The following PARD3B variants were observed in gnomAD, a reference collection of about 807,000 sequenced individuals.
The protein encoded by PARD3B is par-3 family cell polarity regulator beta.
A neutral mutation model predicts 130.2 loss-of-function variants in PARD3B; 103 were observed. That is an observed-to-expected ratio of 0.79 (90% confidence interval 0.67 to 0.93). PARD3B has a LOEUF of 0.93. Among genes scored for constraint, PARD3B ranks in the 40% least tolerant of loss-of-function variants. PARD3B has a pLI of 0.00. For synonymous variants in PARD3B, 583 were observed against 553.2 expected, an observed-to-expected ratio of 1.05 and a Z score of -0.76; for missense variants, 1,609 against 1,499.2, an observed-to-expected ratio of 1.07 and a Z score of -1.21.
In PARD3B at chr2:205,301,350, T is replaced by G; in HGVS notation, c.2393-114T>G. ...GGGCGCACGTAACCACATAGAAGGG[T>G]AGAACTACAGAGTGCTGTTATTCAT... On this transcript the variant is annotated intron_variant, in intron 17 of 22. Transcript: ENST00000406610. The surrounding 1 kb of genome is among the most constrained non-coding windows in gnomAD (Gnocchi z 5.2). 6.7e-7 allele frequency: 1 copy of G among 1,496,360 alleles called. No individual in the cohort carries two copies. Among genetic ancestry groups the G allele is most frequent in the Middle Eastern group, 2.5e-4 (1 of 4,038 alleles). The allele number at this position is 1,496,360 out of a possible 1,614,324, so 92.7% of individuals were successfully genotyped here.
intron 3 of PARD3B, among the ~76,000 whole-genome samples, chr2:204,999,872 A>C (rs1694677903): frequency 6.6e-6 from 1 of 152,214 alleles, no homozygotes; most frequent in Admixed American, 6.5e-5. Flanking sequence ...TCAGGACCAG[A>C]GAAACTTTAA....
intron 2 of PARD3B, among the ~76,000 whole-genome samples, chr2:204,853,741 G>A (rs574282766): frequency 6.6e-6 from 1 of 152,330 alleles, no homozygotes; most frequent in Admixed American, 6.5e-5. Flanking sequence ...GCTAGAAGCT[G>A]AGGAGTCATC....
intron 2 of PARD3B, among the ~76,000 whole-genome samples, chr2:204,837,483 C>T (rs901592739): frequency 6.7e-6 from 1 of 149,138 alleles, no homozygotes; most frequent in African/African-American, 2.5e-5. Context: ...TGCAGTGGTG[C>T]AATCTTGGCT....
At chr2:204,667,219 A>G in intron 1 of PARD3B, among the ~76,000 whole-genome samples, 1 of 152,212 alleles carries the variant, frequency 6.6e-6, no homozygotes, top group Admixed American at 6.5e-5. Flanking sequence ...TCTTCATAAA[A>G]GCAGGGGCTG....
intron 10 of PARD3B, among the ~76,000 whole-genome samples, chr2:205,153,556 A>T (rs2033905167): frequency 6.6e-6 from 1 of 152,226 alleles, no homozygotes; most frequent in Non-Finnish European, 1.5e-5. Context: ...TTTAAAGTTC[A>T]TATGGAACCA....
intron 15 of PARD3B, among the ~76,000 whole-genome samples, chr2:205,202,602 T>G (rs2125828331): frequency 6.6e-6 from 1 of 152,332 alleles, no homozygotes; most frequent in Middle Eastern, 3.4e-3. Context: ...TGCCATAAAC[T>G]TAGCTGCACT....
intron 16 of PARD3B, among the ~76,000 whole-genome samples, chr2:205,260,197 T>A (rs779266412): frequency 2.0e-5 from 3 of 152,096 alleles, no homozygotes; most frequent in Admixed American, 6.6e-5. Flanking sequence ...AAATAATGTG[T>A]TCAGGTAAAA....
At chr2:204,942,796 T>G (rs1689008879) in intron 2 of PARD3B, among the ~76,000 whole-genome samples, 1 of 152,070 alleles carries the variant, frequency 6.6e-6, no homozygotes, top group Non-Finnish European at 1.5e-5. Flanking sequence ...TGATTTTGAC[T>G]TTTTTTGCAA....
At chr2:205,391,262 C>T (rs980956922) in intron 18 of PARD3B, among the ~76,000 whole-genome samples, 7 of 152,200 alleles carry the variant, frequency 4.6e-5, no homozygotes, top group African/African-American at 7.2e-5. Context: ...ATGTTGTGGG[C>T]GCACAAATGC....
chr2:204,710,773 G>A (rs570353153), intron 2 of PARD3B, among the ~76,000 whole-genome samples: 46 of 152,250 alleles, frequency 3.0e-4, no homozygotes, highest in Non-Finnish European at 4.1e-4. Flanking sequence ...TCTGTATGGC[G>A]TCCTGTGCTG....
At chr2:204,972,993 T>G (rs909629615) in intron 3 of PARD3B, among the ~76,000 whole-genome samples, 1 of 152,194 alleles carries the variant, frequency 6.6e-6, no homozygotes, top group African/African-American at 2.4e-5. Context: ...CCCTGACCAC[T>G]GATAAAATGA....
rs982781406 is a variant in PARD3B at position 205,397,982 on chromosome 2, G to C, written c.2631-3031G>C. ...TTAAGGAGAAGTCTTGAATGTATCA[G>C]GCAAATCTGAATTATATTTGAAAGT... On this transcript the variant is annotated intron_variant, in intron 18 of 22. Transcript: ENST00000406610. This position sits in a 1 kb window ranked among gnomAD's most constrained non-coding sequence, Gnocchi z 4.8. Among the ~76,000 whole-genome samples the C allele has an allele frequency of 6.6e-6, 1 of 152,106 alleles. No homozygotes were observed. The highest frequency in any genetic ancestry group is 2.4e-5 in the African/African-American group (1 of 41,414).
At position 204,590,547 on chromosome 2, in the gene PARD3B, G is replaced by A. The variant is rs987638382; in HGVS notation, c.120+44428G>A. ...TCTCTTCTGGGCATATGGCAAGTGA[G>A]ATTCTGACTTTAATGGCTGGGATGG... On this transcript the variant is annotated intron_variant, in intron 1 of 22. Coordinates refer to ENST00000406610, the MANE Select transcript of PARD3B (RefSeq NM_001302769.2). Among the ~76,000 whole-genome samples, 14 of 152,312 alleles carry A rather than the reference G, an allele frequency of 9.2e-5. No individual in the cohort carries two copies. In the South Asian group the frequency reaches 1.2e-3, roughly 14 times the overall value.
At chr2:205,166,674 T>A (rs1402593391) in intron 11 of PARD3B, among the ~76,000 whole-genome samples, 1 of 152,168 alleles carries the variant, frequency 6.6e-6, no homozygotes, top group Admixed American at 6.5e-5. Context: ...TTGATTTGTT[T>A]TTTCAAAAAA....
intron 2 of PARD3B, among the ~76,000 whole-genome samples, chr2:204,815,462 T>TA (rs985130039): frequency 6.6e-6 from 1 of 151,942 alleles, no homozygotes; most frequent in Non-Finnish European, 1.5e-5. Context: ...TTTATTCTTT[T>TA]AAAAAAATTC....
At chr2:204,965,051 C>T (rs1231517630) in intron 2 of PARD3B, 101 bp from the exon 3 acceptor site, 28 of 1,130,598 alleles carry the variant, frequency 2.5e-5, no homozygotes, top group Non-Finnish European at 3.1e-5. Context: ...TTTGATGAGG[C>T]GATTTTCTTT....
intron 3 of PARD3B, among the ~76,000 whole-genome samples, chr2:204,981,852 G>A (rs940187806): frequency 2.6e-5 from 4 of 152,112 alleles, no homozygotes; most frequent in African/African-American, 9.7e-5. Context: ...AAGGGAGTTG[G>A]GGAGTGAGTA....
chr2:204,875,542 G>A (rs745723833), intron 2 of PARD3B, among the ~76,000 whole-genome samples: 16 of 152,094 alleles, frequency 1.1e-4, no homozygotes, highest in East Asian at 3.9e-4. Flanking sequence ...AACCAATTCC[G>A]ACATCATGCC....
At chr2:205,515,188 G>A (rs906940581) in intron 21 of PARD3B, among the ~76,000 whole-genome samples, 4 of 150,794 alleles carry the variant, frequency 2.7e-5, no homozygotes, top group South Asian at 4.2e-4. Context: ...TCTTTTTTAC[G>A]GCTGCATAGT....
Sources: gnomAD v4.1 joint callset for allele counts (sites outside exome capture counted in the v4.1 genomes callset) on GRCh38, gnomAD v4.1.1 for gene constraint, Gnocchi (gnomAD v3.1) non-coding constraint, MANE v1.5 for transcripts, NCBI Gene and HGNC (gene_info 2026-07-23, HGNC 2026-07-21) for gene names.